The following SCFD1 variants were observed in gnomAD, a reference collection of about 807,000 sequenced individuals.
The protein encoded by SCFD1 is sec1 family domain-containing protein 1.
SCFD1 carries 37 observed loss-of-function variants against 103.2 expected under a neutral mutation model. The observed-to-expected ratio is 0.36, with a 90% CI of 0.28 to 0.47. SCFD1 has a LOEUF of 0.47. SCFD1 is among the 20% of genes least tolerant of loss of function. SCFD1 has a pLI of 1.00. For missense variants in SCFD1, 639 were observed against 761.2 expected, an observed-to-expected ratio of 0.84 and a Z score of 1.89; for synonymous variants, 264 against 245.0, an observed-to-expected ratio of 1.08 and a Z score of -0.73.
chr14:30,711,157 T>C (rs1201609695), intron 19 of SCFD1, among the ~76,000 whole-genome samples: 1 of 152,224 alleles, frequency 6.6e-6, no homozygotes, highest in African/African-American at 2.4e-5. Flanking sequence ...TGTTTTACTC[T>C]CTTTGGCCTG....
chr14:30,675,088 C>G lies in SCFD1; in HGVS notation c.1242+23C>G, dbSNP rs200252965. ...AAGGTAAATTTAACTTTTTCCCCCC[C>G]ACAATATGACTTGCATTTACATAGG... On this transcript the variant is annotated intron_variant, in intron 14 of 24. Coordinates refer to ENST00000458591, the MANE Select transcript of SCFD1 (RefSeq NM_016106.4). 9.2e-5 allele frequency: 122 copies of G among 1,320,722 alleles called. 3 individuals are homozygous for G. The highest frequency in any genetic ancestry group is 9.0e-4 in the East Asian group (37 of 41,132). 81.8% of individuals were successfully genotyped at this position (1,320,722 alleles called of 1,614,324 possible). A position where few individuals can be genotyped will look rare whatever the true frequency, so the allele number is the denominator to read the frequency against.
chr14:30,654,309 AGC>A (rs1886686309), intron 10 of SCFD1, among the ~76,000 whole-genome samples: 1 of 152,248 alleles, frequency 6.6e-6, no homozygotes, highest in Admixed American at 6.5e-5. Context: ...ACTAACTCCT[AGC>A]TCAGGACTCT....
Position 30,663,042 on chromosome 14 carries a change from T to A in SCFD1, c.856-7214T>A, listed in dbSNP as rs573147805. 7.9e-5 allele frequency among the ~76,000 whole-genome samples: 12 copies of A among 152,362 alleles called. No homozygotes were observed. In the East Asian group the frequency reaches 1.7e-3, roughly 22 times the overall value. On this transcript the variant is annotated intron_variant, in intron 10 of 24. Transcript: ENST00000458591. ...TTGAGTACAGCACAGGATGTTTTAATTTCCTAACTTGGAAGATTGAAATTA... is the reference window on the plus strand; with the variant it reads ...TTGAGTACAGCACAGGATGTTTTAAATTCCTAACTTGGAAGATTGAAATTA...
chr14:30,721,954 G>T lies in SCFD1; in HGVS notation c.1770+37G>T, dbSNP rs1241175799. ...ATAAAAATTCTCTGTTCCTAGAAAGGGAAGATGAAAGGTGACCAATCTTGA... is the reference window on the plus strand; with the variant it reads ...ATAAAAATTCTCTGTTCCTAGAAAGTGAAGATGAAAGGTGACCAATCTTGA... On this transcript the variant is annotated intron_variant, in intron 22 of 24. Transcript: ENST00000458591. 3 of 1,507,252 alleles carry T rather than the reference G, an allele frequency of 2.0e-6. No individual in the cohort carries two copies. In the Admixed American group the frequency reaches 5.1e-5, roughly 26 times the overall value. 93.4% of individuals were successfully genotyped at this position (1,507,252 alleles called of 1,614,324 possible).
At chr14:30,675,088 C>T (rs200252965) in intron 14 of SCFD1, 23 bp downstream of exon 14, 30 of 1,320,604 alleles carry the variant, frequency 2.3e-5, no homozygotes, top group Non-Finnish European at 2.9e-5. Context: ...TTTTCCCCCC[C>T]ACAATATGAC....
intron 15 of SCFD1, among the ~76,000 whole-genome samples, chr14:30,699,100 A>G (rs1890899264): frequency 6.6e-6 from 1 of 152,224 alleles, no homozygotes; most frequent in Non-Finnish European, 1.5e-5. Context: ...CCTAGGATTT[A>G]ACAGGACCTG....
rs1331727284 is a variant in SCFD1, at chr14:30,678,617, A to G, written c.1242+3552A>G. Among the ~76,000 whole-genome samples, 6 of 152,294 alleles carry G rather than the reference A, an allele frequency of 3.9e-5. No homozygotes were observed. The East Asian group carries it at 7.7e-4, about 20-fold the overall frequency. ...TGTTTTAATTATTCTTAGCTCACCT[A>G]TGTAGCAAACCTGAATAAAGTACTC... On this transcript the variant is annotated intron_variant, in intron 14 of 24. Transcript: ENST00000458591.
At chr14:30,675,973 A>G (rs1050263301) in intron 14 of SCFD1, among the ~76,000 whole-genome samples, 3 of 152,112 alleles carry the variant, frequency 2.0e-5, no homozygotes, top group Admixed American at 6.5e-5. Flanking sequence ...GGTACTTGAT[A>G]TTTTTCAGGT....
At chr14:30,672,129 CAG>C (rs1249456268) in intron 11 of SCFD1, among the ~76,000 whole-genome samples, 2 of 151,870 alleles carry the variant, frequency 1.3e-5, no homozygotes, top group South Asian at 2.1e-4. Flanking sequence ...CTAAAGATAT[CAG>C]AGATTTTGAG....
chr14:30,633,631 A>G (rs756329766), intron 3 of SCFD1, among the ~76,000 whole-genome samples: 20 of 152,162 alleles, frequency 1.3e-4, no homozygotes, highest in Admixed American at 3.9e-4. Context: ...AAAAGTGGGA[A>G]TAAGATTGAT....
rs1594529989 is a variant in SCFD1 at position 30,622,555 on chromosome 14, C to T, written c.61+156C>T. ...CCTTTGAGTTTTTGGGGAGAAGTTG[C>T]CATTAGCTTGAGGACTCGGTTCCTC... On this transcript the variant is annotated intron_variant, in intron 1 of 24. Coordinates refer to ENST00000458591, the MANE Select transcript of SCFD1 (RefSeq NM_016106.4). 3 of 1,317,042 alleles carry T rather than the reference C, an allele frequency of 2.3e-6. No individual in the cohort carries two copies. The East Asian group carries it at 7.8e-5, about 34-fold the overall frequency. The allele number at this position is 1,317,042 out of a possible 1,614,324, so 81.6% of individuals were successfully genotyped here.
intron 23 of SCFD1, among the ~76,000 whole-genome samples, chr14:30,731,034 G>T (rs1468300272): frequency 6.6e-6 from 1 of 152,154 alleles, no homozygotes; most frequent in Admixed American, 6.5e-5. Context: ...TGTATAGGGT[G>T]TAAGGAAGGG....
chr14:30,733,897 G>GT (rs147094398), intron 23 of SCFD1, among the ~76,000 whole-genome samples: 2,006 of 152,150 alleles, frequency 0.013, 44 homozygotes, highest in African/African-American at 0.046. Context: ...CCCCTCTAAT[G>GT]TTTCCCTGTG....
At chr14:30,699,809 C>T (rs1201132946) in intron 15 of SCFD1, among the ~76,000 whole-genome samples, 2 of 152,144 alleles carry the variant, frequency 1.3e-5, no homozygotes, top group Non-Finnish European at 2.9e-5. Flanking sequence ...TACCAGTTGT[C>T]CTTATGTAAT....
At chr14:30,700,732 T>C (rs1362593807) in intron 16 of SCFD1, among the ~76,000 whole-genome samples, 1 of 152,124 alleles carries the variant, frequency 6.6e-6, no homozygotes, top group African/African-American at 2.4e-5. Context: ...TATGTACTGC[T>C]GTGTTTTATA....
At chr14:30,700,310 T>A (rs757153353) in intron 16 of SCFD1, 52 bp downstream of exon 16, 1 of 1,101,410 alleles carries the variant, frequency 9.1e-7, no homozygotes, top group Non-Finnish European at 1.4e-6. Flanking sequence ...GTTTGTAGAC[T>A]ACTACAATTC....
intron 10 of SCFD1, among the ~76,000 whole-genome samples, chr14:30,668,066 A>G (rs1362291950): frequency 3.3e-5 from 5 of 152,342 alleles, no homozygotes; most frequent in African/African-American, 1.2e-4. Context: ...TTCATATGGA[A>G]CCAAAAAAGA....
intron 13 of SCFD1, 39 bp downstream of exon 13, chr14:30,674,036 G>T: frequency 1.3e-6 from 2 of 1,486,628 alleles, no homozygotes; most frequent in South Asian, 2.4e-5. Context: ...TCTTTCTGTT[G>T]ATAGGATTTT....
At chr14:30,630,210 A>G (rs1244477495) in intron 2 of SCFD1, among the ~76,000 whole-genome samples, 1 of 152,222 alleles carries the variant, frequency 6.6e-6, no homozygotes, top group Non-Finnish European at 1.5e-5. Context: ...CTGGATGGAC[A>G]TTTGGGTAAA....
Sources: gnomAD v4.1 joint callset for allele counts (sites outside exome capture counted in the v4.1 genomes callset) on GRCh38, gnomAD v4.1.1 for gene constraint, MANE v1.5 for transcripts, NCBI Gene and HGNC (gene_info 2026-07-23, HGNC 2026-07-21) for gene names.